ARPC3: variants seen among roughly 807,000 people sequenced by gnomAD.
ARPC3 encodes the protein actin-related protein 2/3 complex subunit 3.
ARPC3 carries 12 observed loss-of-function variants against 27.6 expected under a neutral mutation model. The ratio of observed to expected loss-of-function variants is 0.43; its 90% confidence interval spans 0.28 to 0.70. The LOEUF (loss-of-function observed/expected upper bound fraction) is 0.70. ARPC3 is among the 30% of genes least tolerant of loss of function. ARPC3 has a pLI of 0.17. For synonymous variants in ARPC3, 53 were observed against 67.2 expected (o/e 0.79, Z 1.03); for missense variants, 153 against 207.7 (o/e 0.74, Z 1.62).
chr12:110,448,009 A>G (rs916969177), intron 1 of ARPC3, among the ~76,000 whole-genome samples: 2 of 148,642 alleles, frequency 1.3e-5, no homozygotes, highest in Non-Finnish European at 3.0e-5. Flanking sequence ...CAGCCTCTTG[A>G]GAGGCTGGGA....
intron 1 of ARPC3, among the ~76,000 whole-genome samples, chr12:110,446,159 CT>C (rs1301415471): frequency 2.3e-3 from 321 of 140,614 alleles, no homozygotes; most frequent in Non-Finnish European, 2.3e-3. Context: ...TTCATCACTT[CT>C]TTTTTTTTTT....
In ARPC3 at chr12:110,436,166, T is replaced by C. The variant is rs1466375448; in HGVS notation, c.418A>G (p.Thr140Ala). Reference sequence around the variant, plus strand: ...ACTTTCTCACAAAGTCTCAGTCCAGTCTCTTGCCTTAGCTGTTGTAAATAG... The same window carrying C: ...ACTTTCTCACAAAGTCTCAGTCCAGCCTCTTGCCTTAGCTGTTGTAAATAG... ...RAYLQQLRQE[T>A]GLRLCEKVFD... The change falls in exon 6 of 7, where the codon ACT (threonine) becomes GCT (alanine). Residue 140 changes from threonine to alanine, a missense_variant. By Grantham distance (58) the Thr-to-Ala change is moderately conservative. Coordinates refer to ENST00000228825, the MANE Select transcript of ARPC3 (RefSeq NM_001278556.2). The C allele has an allele frequency of 3.1e-6, 5 of 1,613,820 alleles. No individual in the cohort carries two copies. The South Asian group carries it at 3.3e-5, about 11-fold the overall frequency.
At chr12:110,436,497 G>C in intron 5 of ARPC3, 60 bp downstream of exon 5, 1 of 1,605,906 alleles carries the variant, frequency 6.2e-7, no homozygotes. Context: ...AGGGGTGGTA[G>C]GAAGTCAAAT....
chr12:110,444,978 C>A (rs1414055050), intron 2 of ARPC3: 4 of 170,382 alleles, frequency 2.3e-5, no homozygotes, highest in Non-Finnish European at 3.8e-5. Flanking sequence ...TTCAGAAAAG[C>A]GGGAATAGAC....
intron 1 of ARPC3, among the ~76,000 whole-genome samples, chr12:110,448,825 G>C (rs895380531): frequency 2.9e-4 from 38 of 131,542 alleles, no homozygotes; most frequent in Middle Eastern, 5.2e-3. Context: ...GTCACTAGAC[G>C]AGTGCAGTGG....
Position 110,445,488 on chromosome 12 carries a change from T to C in ARPC3, c.70A>G (p.Ile24Val). Residue 24 changes from isoleucine to valine, a missense_variant, in exon 2 of 7, where the codon ATC becomes GTC. Coordinates refer to ENST00000228825, the MANE Select transcript of ARPC3 (RefSeq NM_001278556.2). Reference protein sequence around the residue: ...KLIGNMALLPIRSQFKGPAPR... With the variant: ...KLIGNMALLPVRSQFKGPAPR... ...GCAGGTCCTTTGAATTGACTTCTGATAGGCAACAGTGCCATGTTTCCGATG... is the reference window on the plus strand; with the variant it reads ...GCAGGTCCTTTGAATTGACTTCTGACAGGCAACAGTGCCATGTTTCCGATG... The C allele has an allele frequency of 5.0e-6, 8 of 1,613,824 alleles. No individual in the cohort carries two copies. The highest frequency in any genetic ancestry group is 5.9e-6 in the Non-Finnish European group (7 of 1,179,714).
rs375877607 is a variant in ARPC3, at chr12:110,436,711, T to TAC, written c.253-30_253-29dup. 5.4e-3 allele frequency: 2,046 copies of TAC among 381,914 alleles called. 9 individuals are homozygous for TAC. The highest frequency in any genetic ancestry group is 9.5e-3 in the African/African-American group (347 of 36,504). 23.7% of individuals were successfully genotyped at this position (381,914 alleles called of 1,614,324 possible). ...GGAAAAAAAAATATATATATATATA[T>TAC]ACACACACACACACACACACACACA... is the stretch of plus-strand genomic sequence containing the variant. On this transcript the variant is annotated intron_variant, in intron 4 of 6. Coordinates refer to ENST00000228825, the MANE Select transcript of ARPC3 (RefSeq NM_001278556.2).
chr12:110,436,030 T>C, intron 6 of ARPC3, 80 bp downstream of exon 6: 2 of 1,080,486 alleles, frequency 1.9e-6, no homozygotes, highest in Non-Finnish European at 2.9e-6. Flanking sequence ...ATTCTTGCAA[T>C]GGAAGACCTT....
At chr12:110,444,118 C>T (rs1010786160) in intron 2 of ARPC3, among the ~76,000 whole-genome samples, 1 of 151,626 alleles carries the variant, frequency 6.6e-6, no homozygotes, top group African/African-American at 2.4e-5. Context: ...TACAGGCATG[C>T]GCCACCATGC....
intron 5 of ARPC3, 89 bp from the exon 6 acceptor site, chr12:110,436,293 ATT>A: frequency 8.7e-7 from 1 of 1,144,584 alleles, no homozygotes. Flanking sequence ...GTGGTAATAC[ATT>A]TTTATACATT....
Position 110,434,921 on chromosome 12 carries a change from T to C in ARPC3, c.*234A>G. ...TGACATGGAATGTTAGAAATTTCTT[T>C]ATTATTACTTATTCTTATTAAGCGC... On this transcript the variant is annotated 3_prime_UTR_variant, in exon 7 of 7. Transcript: ENST00000228825. The C allele has an allele frequency of 1.5e-6, 1 of 678,580 alleles. No homozygotes were observed. The highest frequency in any genetic ancestry group is 2.7e-6 in the Non-Finnish European group (1 of 369,302). The allele number at this position is 678,580 out of a possible 1,614,324, so 42.0% of individuals were successfully genotyped here.
At chr12:110,449,240 G>C (rs1428159488) in intron 1 of ARPC3, among the ~76,000 whole-genome samples, 1 of 152,136 alleles carries the variant, frequency 6.6e-6, no homozygotes, top group Non-Finnish European at 1.5e-5. Context: ...CTGGCAGGCA[G>C]CAGGTGCTCG....
chr12:110,443,386 A>G (rs2062448377), intron 2 of ARPC3, among the ~76,000 whole-genome samples: 1 of 151,760 alleles, frequency 6.6e-6, no homozygotes, highest in Admixed American at 6.6e-5. Context: ...CCAAAGTGCT[A>G]AAGTACTGGG....
At position 110,436,707 on chromosome 12, in the gene ARPC3, TATATACACACACAC is replaced by T. The variant is rs761238733; in HGVS notation, c.253-38_253-25del. 595 of 821,362 alleles carry T rather than the reference TATATACACACACAC, an allele frequency of 7.2e-4. 12 individuals are homozygous for T. Among genetic ancestry groups the T allele is most frequent in the Admixed American group, 9.6e-4 (43 of 44,922 alleles). 50.9% of individuals were successfully genotyped at this position (821,362 alleles called of 1,614,324 possible). On this transcript the variant is annotated intron_variant, in intron 4 of 6. Coordinates refer to ENST00000228825, the MANE Select transcript of ARPC3 (RefSeq NM_001278556.2). The stretch of plus-strand genomic sequence containing the variant: ...CACTGGAAAAAAAAATATATATATA[TATATACACACACAC>T]ACACACACACACACACACACACACA...
At chr12:110,446,136 T>C (rs1382120381) in intron 1 of ARPC3, among the ~76,000 whole-genome samples, 4 of 149,692 alleles carry the variant, frequency 2.7e-5, no homozygotes, top group African/African-American at 7.3e-5. Flanking sequence ...TTAAAAACAA[T>C]GATGCTTAAG....
chr12:110,449,625 G>A (rs149770758), intron 1 of ARPC3, among the ~76,000 whole-genome samples: 6 of 152,238 alleles, frequency 3.9e-5, no homozygotes, highest in African/African-American at 7.2e-5. Context: ...TCCCGAATCT[G>A]CAAAATGGAG....
rs1336886516 is a variant in ARPC3, at chr12:110,434,992, CT to C, written c.*162del. 1.4e-6 allele frequency: 1 copy of C among 723,686 alleles called. No individual in the cohort carries two copies. The highest frequency in any genetic ancestry group is 2.5e-6 in the Non-Finnish European group (1 of 392,648). The allele number at this position is 723,686 out of a possible 1,614,324, so 44.8% of individuals were successfully genotyped here. A position where few individuals can be genotyped will look rare whatever the true frequency, so the allele number is the denominator to read the frequency against. On this transcript the variant is annotated 3_prime_UTR_variant, in exon 7 of 7. Transcript: ENST00000228825. Reference sequence around the variant, plus strand: ...ATTTCAAATCACCCTTGATAACCCACTTTCTTTTCTCCCACCCAAATTCTTG... The same window carrying C: ...ATTTCAAATCACCCTTGATAACCCACTTCTTTTCTCCCACCCAAATTCTTG...
chr12:110,449,050 A>G (rs1209017873), intron 1 of ARPC3, among the ~76,000 whole-genome samples: 2 of 151,716 alleles, frequency 1.3e-5, no homozygotes, highest in Admixed American at 6.6e-5. Context: ...CTGGGATTAC[A>G]GGCGTGAGCC....
chr12:110,447,481 A>C (rs922795854), intron 1 of ARPC3, among the ~76,000 whole-genome samples: 6 of 152,202 alleles, frequency 3.9e-5, no homozygotes, highest in Non-Finnish European at 8.8e-5. Context: ...GACAGAAAAT[A>C]ATCACAGGAT....
Sources: gnomAD v4.1 joint callset for allele counts (sites outside exome capture counted in the v4.1 genomes callset) on GRCh38, gnomAD v4.1.1 for gene constraint, MANE v1.5 for transcripts, NCBI Gene and HGNC (gene_info 2026-07-23, HGNC 2026-07-21) for gene names.